Variants in BTNL3 observed in about 807,000 individuals in gnomAD.
The protein encoded by BTNL3 is butyrophilin like 3.
A neutral mutation model predicts 40.1 loss-of-function variants in BTNL3; 20 were observed. That is an observed-to-expected ratio of 0.50 (90% CI 0.35 to 0.72). The LOEUF (loss-of-function observed/expected upper bound fraction) is 0.72. Among genes scored for constraint, BTNL3 ranks in the 30% least tolerant of loss-of-function variants. BTNL3 has a pLI of 0.01. For synonymous variants in BTNL3, 179 were observed against 222.1 expected, an observed-to-expected ratio of 0.81 and a Z score of 1.73; for missense variants, 449 against 582.2, an observed-to-expected ratio of 0.77 and a Z score of 2.35.
chr5:180,989,014 C>A lies in BTNL3; in HGVS notation c.-15C>A, dbSNP rs1371817998. On this transcript the variant is annotated 5_prime_UTR_variant, in exon 1 of 8. Transcript: ENST00000342868. ...ATCTGTTTTCATAGTGTGAGATCAACCCACAGGAATATCCATGGCTTTTGT... is the reference window on the plus strand; with the variant it reads ...ATCTGTTTTCATAGTGTGAGATCAAACCACAGGAATATCCATGGCTTTTGT... The A allele has an allele frequency of 6.9e-7, 1 of 1,447,438 alleles. No homozygotes were observed. The highest frequency in any genetic ancestry group is 1.1e-5 in the South Asian group (1 of 87,308). 89.7% of individuals were successfully genotyped at this position (1,447,438 alleles called of 1,614,324 possible). A position where few individuals can be genotyped will look rare whatever the true frequency, so the allele number is the denominator to read the frequency against.
chr5:181,004,511 T>A, intron 6 of BTNL3, 68 bp downstream of exon 6: 1 of 802,442 alleles, frequency 1.2e-6, no homozygotes. Context: ...TGGATTTTTA[T>A]ATCCTGAGGC....
chr5:180,994,840 G>A (rs1411290994), intron 2 of BTNL3, among the ~76,000 whole-genome samples: 2 of 132,156 alleles, frequency 1.5e-5, no homozygotes, highest in Admixed American at 8.1e-5. Context: ...TGGATAGAGT[G>A]CAGTGGTGCA....
Position 181,003,894 on chromosome 5 carries a change from AG to A in BTNL3, c.808+19del, listed in dbSNP as rs1760166186. On this transcript the variant is annotated intron_variant, in intron 5 of 7. Coordinates refer to ENST00000342868, the MANE Select transcript of BTNL3 (RefSeq NM_197975.3). ...GGAACTGGGTATGTGTCATGTCCTG[AG>A]CCTCCCACACATGGTTCTCCCGGGT... is the stretch of plus-strand genomic sequence containing the variant. 6.2e-7 allele frequency: 1 copy of A among 1,613,876 alleles called. No individual in the cohort carries two copies. The highest frequency in any genetic ancestry group is 1.1e-5 in the South Asian group (1 of 91,084).
chr5:180,999,669 G>A (rs1760080554), intron 3 of BTNL3, among the ~76,000 whole-genome samples: 1 of 135,894 alleles, frequency 7.4e-6, no homozygotes, highest in Admixed American at 7.8e-5. Context: ...GCGTGGTGGT[G>A]TGTGTCTGTA....
At chr5:180,992,622 T>G (rs1561958674) in intron 1 of BTNL3, among the ~76,000 whole-genome samples, 191 bp from the exon 2 acceptor site, 1 of 137,160 alleles carries the variant, frequency 7.3e-6, no homozygotes, top group Non-Finnish European at 1.7e-5. Context: ...ATGAGATGTG[T>G]GTGAGAACCG....
At position 180,992,903 on chromosome 5, in the gene BTNL3, G is replaced by A. The variant is rs1759989061; in HGVS notation, c.140G>A (p.Ser47Asn). 1 of 1,463,374 alleles carries A rather than the reference G, an allele frequency of 6.8e-7. No individual in the cohort carries two copies. The highest frequency in any genetic ancestry group is 9.4e-7 in the Non-Finnish European group (1 of 1,058,992). 90.6% of individuals were successfully genotyped at this position (1,463,374 alleles called of 1,614,324 possible). The change falls in exon 2 of 8, where the codon AGT becomes AAT. Residue 47 changes from serine (S) to asparagine (N), a missense_variant. Transcript: ENST00000342868. Reference protein sequence around the residue: ...VFSCSLFPETSAEAMEVRFFR... With the variant: ...VFSCSLFPETNAEAMEVRFFR... Reference sequence around the variant, plus strand: ...TCCTGCTCCCTCTTTCCTGAGACCAGTGCAGAGGCTATGGAAGTGCGGTTC... The same window carrying A: ...TCCTGCTCCCTCTTTCCTGAGACCAATGCAGAGGCTATGGAAGTGCGGTTC...
chr5:180,993,047 G>C lies in BTNL3; in HGVS notation c.284G>C (p.Gly95Ala), dbSNP rs1037284344. The change falls in exon 2 of 8, where the codon GGG becomes GCG. Residue 95 changes from glycine to alanine, a missense_variant. By Grantham distance (60) the Gly-to-Ala change is moderately conservative (BLOSUM62 0). This residue lies in a region of BTNL3 where 323 missense variants were observed against 464.9 expected (regional missense o/e 0.69). Coordinates refer to ENST00000342868, the MANE Select transcript of BTNL3 (RefSeq NM_197975.3). ...TEFVKDSIAG[G>A]RVSLRLKNIT... ...TTTGTGAAGGACTCCATTGCAGGGGGGCGTGTCTCTCTAAGGCTAAAAAAC... is the reference window on the plus strand; with the variant it reads ...TTTGTGAAGGACTCCATTGCAGGGGCGCGTGTCTCTCTAAGGCTAAAAAAC... 10 of 1,456,920 alleles carry C rather than the reference G, an allele frequency of 6.9e-6. 1 individual carries two copies. The Admixed American group carries it at 7.7e-5, about 11-fold the overall frequency. 90.2% of individuals were successfully genotyped at this position (1,456,920 alleles called of 1,614,324 possible).
At position 180,997,313 on chromosome 5, in the gene BTNL3, G is replaced by C; in HGVS notation, c.498G>C (p.Lys166Asn). ...GCTGGTTCCCCCAGCCCACAGCCAA[G>C]TGGAAAGGTCCACAAGGACAGGATT... ...SSGWFPQPTA[K>N]WKGPQGQDLS... The change falls in exon 3 of 8, where the codon AAG (lysine) becomes AAC (asparagine). Residue 166 changes from lysine (K) to asparagine (N), a missense_variant. Physicochemically the swap from Lys to Asn is moderately conservative, Grantham distance 94 (BLOSUM62 0). Around this residue, in one of 2 missense-constraint regions of BTNL3, gnomAD observed 323 missense variants for 464.9 expected, o/e 0.69. Coordinates refer to ENST00000342868, the MANE Select transcript of BTNL3 (RefSeq NM_197975.3). 6.8e-7 allele frequency: 1 copy of C among 1,464,844 alleles called. No homozygotes were observed. Among genetic ancestry groups the C allele is most frequent in the Non-Finnish European group, 9.4e-7 (1 of 1,059,554 alleles). 90.7% of individuals were successfully genotyped at this position (1,464,844 alleles called of 1,614,324 possible).
Position 181,002,820 on chromosome 5 carries a change from C to T in BTNL3, c.787+35C>T. The T allele has an allele frequency of 1.4e-6, 2 of 1,435,464 alleles. 1 individual carries two copies. The highest frequency in any genetic ancestry group is 1.9e-6 in the Non-Finnish European group (2 of 1,040,526). The allele number at this position is 1,435,464 out of a possible 1,614,324, so 88.9% of individuals were successfully genotyped here. A position where few individuals can be genotyped will look rare whatever the true frequency, so the allele number is the denominator to read the frequency against. On this transcript the variant is annotated intron_variant, in intron 4 of 7. Transcript: ENST00000342868. ...AGAGAGAAGCATGGGCCCATACCTT[C>T]TTCATGGTTCCAGTGGAGCTGATAT...
In BTNL3 at chr5:180,988,860, T is replaced by A; in HGVS notation, c.-169T>A. 1 of 783,138 alleles carries A rather than the reference T, an allele frequency of 1.3e-6. No individual in the cohort carries two copies. Among genetic ancestry groups the A allele is most frequent in the South Asian group, 1.7e-5 (1 of 59,180 alleles). The allele number at this position is 783,138 out of a possible 1,614,324, so 48.5% of individuals were successfully genotyped here. A position where few individuals can be genotyped will look rare whatever the true frequency, so the allele number is the denominator to read the frequency against. On this transcript the variant is annotated 5_prime_UTR_variant, in exon 1 of 8. Coordinates refer to ENST00000342868, the MANE Select transcript of BTNL3 (RefSeq NM_197975.3). ...CTCCAGTGCCCATACTCCTCATTCA[T>A]ACAGCCATGTTTAGGGAGGCTCTAG...
chr5:181,002,864 C>T lies in BTNL3; in HGVS notation c.787+79C>T. 1.1e-5 allele frequency: 15 copies of T among 1,379,534 alleles called. 4 individuals are homozygous for T. The highest frequency in any genetic ancestry group is 1.5e-5 in the Non-Finnish European group (15 of 998,700). The allele number at this position is 1,379,534 out of a possible 1,614,324, so 85.5% of individuals were successfully genotyped here. A position where few individuals can be genotyped will look rare whatever the true frequency, so the allele number is the denominator to read the frequency against. ...CTGATATCAGGCTGCCCTCACACACCTCTGGGCTCTGCTCTTCCAGCCCTA... is the reference window on the plus strand; with the variant it reads ...CTGATATCAGGCTGCCCTCACACACTTCTGGGCTCTGCTCTTCCAGCCCTA... On this transcript the variant is annotated intron_variant, in intron 4 of 7. Transcript: ENST00000342868.
rs1385443767 is a variant in BTNL3, at chr5:180,992,225, GC to G, written c.50-587del. Among the ~76,000 whole-genome samples the G allele has an allele frequency of 4.1e-5, 5 of 123,038 alleles. 2 individuals carry two copies. The highest frequency in any genetic ancestry group is 9.2e-5 in the Non-Finnish European group (5 of 54,618). The allele number at this position is 123,038 out of a possible 152,430, so 80.7% of individuals were successfully genotyped here. On this transcript the variant is annotated intron_variant, in intron 1 of 7. Transcript: ENST00000342868. ...GTCACACCATGTCCTTCAGAATATG[GC>G]AGAAGTCTACTTAAAAAAAAGAAGC...
In BTNL3 at chr5:180,999,985, T is replaced by C. The variant is rs528587496; in HGVS notation, c.673+2497T>C. Among the ~76,000 whole-genome samples the C allele has an allele frequency of 7.3e-5, 10 of 136,392 alleles. 2 individuals carry two copies. Among genetic ancestry groups the C allele is most frequent in the Non-Finnish European group, 1.5e-4 (9 of 59,806 alleles). 89.5% of individuals were successfully genotyped at this position (136,392 alleles called of 152,430 possible). ...AATATTCAAGAAAAGAGAAAATGTA[T>C]CTTTCAGAAAGTCGGCCAGAGAGCA... is the stretch of plus-strand genomic sequence containing the variant. On this transcript the variant is annotated intron_variant, in intron 3 of 7. Coordinates refer to ENST00000342868, the MANE Select transcript of BTNL3 (RefSeq NM_197975.3).
At position 181,004,071 on chromosome 5, in the gene BTNL3, C is replaced by T. The variant is rs866480638; in HGVS notation, c.808+195C>T. 9.7e-5 allele frequency: 144 copies of T among 1,486,380 alleles called. No homozygotes were observed. The African/African-American group carries it at 1.2e-3, about 12-fold the overall frequency. The allele number at this position is 1,486,380 out of a possible 1,614,324, so 92.1% of individuals were successfully genotyped here. On this transcript the variant is annotated intron_variant, in intron 5 of 7. Transcript: ENST00000342868. ...CATCTGGAGGGCTTAGGATAGGCCC[C>T]GGGGCCTGGAAGTCCCCACAAATTG...
In BTNL3 at chr5:181,005,352, C is replaced by A. The variant is rs1760202812; in HGVS notation, c.881C>A (p.Pro294Gln). 6.2e-7 allele frequency: 1 copy of A among 1,611,652 alleles called. No homozygotes were observed. The highest frequency in any genetic ancestry group is 1.1e-5 in the South Asian group (1 of 91,008). Residue 294 changes from proline (P) to glutamine (Q), a missense_variant, in exon 8 of 8, where the codon CCA becomes CAA. Pro to Gln is a moderately conservative substitution (Grantham distance 76, BLOSUM62 -1). Transcript: ENST00000342868. ...ACCCCAGTGGAGGTGACTCTGGATC[C>A]AGAGACGGCTCACCCGAAGCTCTGC... ...RKHAVEVTLD[P>Q]ETAHPKLCVS...
At chr5:180,992,078 A>G (rs1267294012) in intron 1 of BTNL3, among the ~76,000 whole-genome samples, 1 of 137,494 alleles carries the variant, frequency 7.3e-6, no homozygotes, top group Non-Finnish European at 1.7e-5. Context: ...GAAATAATAA[A>G]GTGGAAAAAC....
At chr5:180,998,744 T>C (rs1760066910) in intron 3 of BTNL3, among the ~76,000 whole-genome samples, 1 of 137,902 alleles carries the variant, frequency 7.3e-6, no homozygotes, top group African/African-American at 2.5e-5. Context: ...GAAAGCATAG[T>C]GATAGGTAGA....
At chr5:181,002,570 G>A in intron 3 of BTNL3, 102 bp from the exon 4 acceptor site, 1 of 1,093,238 alleles carries the variant, frequency 9.1e-7, no homozygotes, top group South Asian at 1.5e-5. Context: ...AGAAATGAGA[G>A]AAAAATGTTT....
intron 1 of BTNL3, 40 bp from the exon 2 acceptor site, chr5:180,992,773 G>A: frequency 6.9e-7 from 1 of 1,457,190 alleles, no homozygotes; most frequent in Non-Finnish European, 9.5e-7. Context: ...AAGGACTCAA[G>A]TGGATTTTGC....
Sources: allele counts gnomAD v4.1 joint callset (sites outside exome capture counted in the v4.1 genomes callset), GRCh38; gene constraint gnomAD v4.1.1; regional missense constraint gnomAD v4.1.1; transcripts MANE v1.5; gene names NCBI Gene and HGNC (gene_info 2026-07-23, HGNC 2026-07-21).